Variants in MED1 observed in about 807,000 individuals in gnomAD.
MED1 encodes the protein mediator of RNA polymerase II transcription subunit 1.
MED1 carries 17 observed loss-of-function variants against 121.3 expected under a neutral mutation model. That is an observed-to-expected ratio of 0.14 (90% CI 0.10 to 0.21). The LOEUF is 0.21. Among genes scored for constraint, MED1 ranks in the 10% least tolerant of loss-of-function variants. The probability of loss-of-function intolerance (pLI) is 1.00; values close to 1 mark genes in which losing one functional copy is unlikely to be tolerated. For synonymous variants in MED1, 661 were observed against 694.4 expected, an observed-to-expected ratio of 0.95 and a Z score of 0.76; for missense variants, 1,558 against 1,919.4, an observed-to-expected ratio of 0.81 and a Z score of 3.52.
At chr17:39,420,512 A>G (rs1454817856) in intron 13 of MED1, among the ~76,000 whole-genome samples, 2 of 151,862 alleles carry the variant, frequency 1.3e-5, no homozygotes, top group Non-Finnish European at 2.9e-5. Context: ...CAAATTCTCT[A>G]TTTTTAATAA....
rs760407766 is a variant in MED1, at chr17:39,405,884, G to A, written c.*1591C>T. ...TATATGATGAAGTCACTCCACTTAC[G>A]ACATAACACACAAAGGAATCACCTG... On this transcript the variant is annotated 3_prime_UTR_variant, in exon 17 of 17. Coordinates refer to ENST00000300651, the MANE Select transcript of MED1 (RefSeq NM_004774.4). 32 of 984,892 alleles carry A rather than the reference G, an allele frequency of 3.2e-5. No homozygotes were observed. The highest frequency in any genetic ancestry group is 2.5e-4 in the Admixed American group (4 of 16,238). 61.0% of individuals were successfully genotyped at this position (984,892 alleles called of 1,614,324 possible). A position where few individuals can be genotyped will look rare whatever the true frequency, so the allele number is the denominator to read the frequency against.
chr17:39,420,610 G>C (rs1010401419), intron 13 of MED1, among the ~76,000 whole-genome samples: 7 of 151,834 alleles, frequency 4.6e-5, no homozygotes, highest in Non-Finnish European at 1.0e-4. Context: ...AAGTCCAGAT[G>C]AGGTTTTGGA....
At position 39,406,496 on chromosome 17, in the gene MED1, G is replaced by A. The variant is rs1008189297; in HGVS notation, c.*979C>T. The A allele has an allele frequency of 1.0e-6, 1 of 985,120 alleles. No homozygotes were observed. The highest frequency in any genetic ancestry group is 1.8e-5 in the African/African-American group (1 of 57,108). The allele number at this position is 985,120 out of a possible 1,614,324, so 61.0% of individuals were successfully genotyped here. ...GTTTTCATGCCACTGGGTCAGGAAG[G>A]CTGTCCTACACTAAACCTTACTGCA... is the stretch of plus-strand genomic sequence containing the variant. On this transcript the variant is annotated 3_prime_UTR_variant, in exon 17 of 17. Transcript: ENST00000300651.
intron 2 of MED1, 149 bp from the exon 3 acceptor site, chr17:39,443,777 C>A: frequency 1.6e-6 from 1 of 611,812 alleles, no homozygotes; most frequent in Admixed American, 2.9e-5. Context: ...TAGAGTAACA[C>A]TGGTCTACAA....
Position 39,408,971 on chromosome 17 carries a change from T to C in MED1, c.3250A>G (p.Thr1084Ala). 1 of 1,614,192 alleles carries C rather than the reference T, an allele frequency of 6.2e-7. No homozygotes were observed. Among genetic ancestry groups the C allele is most frequent in the Non-Finnish European group, 8.5e-7 (1 of 1,180,042 alleles). The change falls in exon 17 of 17, where the codon ACC (threonine) becomes GCC (alanine). Residue 1084 changes from threonine to alanine, a missense_variant. Physicochemically the swap from Thr to Ala is moderately conservative, Grantham distance 58. Coordinates refer to ENST00000300651, the MANE Select transcript of MED1 (RefSeq NM_004774.4). The surrounding 1 kb of genome is among the most constrained non-coding windows in gnomAD (Gnocchi z 4.7). The stretch of plus-strand genomic sequence containing the variant: ...GAGGAAGACACAGAACCACTGCTGG[T>C]ATACTGACTGTGAGAGGAAGGCTTG... The part of the protein sequence containing the change: ...VGKPSSHSQY[T>A]SSGSVSSSGS...
Position 39,405,514 on chromosome 17 carries a change from A to C in MED1, c.*1961T>G, listed in dbSNP as rs1368880899. On this transcript the variant is annotated 3_prime_UTR_variant, in exon 17 of 17. Transcript: ENST00000300651. ...GGATAGGATTCAAAACTAGGTGACA[A>C]ACTCATGAGAAATCCAACCTGGCTG... 3 of 1,382,532 alleles carry C rather than the reference A, an allele frequency of 2.2e-6. No homozygotes were observed. In the African/African-American group the frequency reaches 4.4e-5, roughly 20 times the overall value. 85.6% of individuals were successfully genotyped at this position (1,382,532 alleles called of 1,614,324 possible).
chr17:39,443,494 T>A, intron 3 of MED1, 56 bp downstream of exon 3: 1 of 1,466,126 alleles, frequency 6.8e-7, no homozygotes, highest in Non-Finnish European at 9.5e-7. Flanking sequence ...TATAAAATGG[T>A]CCTTCTTGAA....
intron 16 of MED1, among the ~76,000 whole-genome samples, chr17:39,411,254 G>A (rs896715404): frequency 5.3e-5 from 8 of 151,822 alleles, no homozygotes; most frequent in East Asian, 1.9e-4. Context: ...GGGAGGCGGA[G>A]GTTGCATTGC....
In MED1 at chr17:39,405,870, G is replaced by A; in HGVS notation, c.*1605C>T. 1 of 985,398 alleles carries A rather than the reference G, an allele frequency of 1.0e-6. No homozygotes were observed. Among genetic ancestry groups the A allele is most frequent in the South Asian group, 4.7e-5 (1 of 21,304 alleles). 61.0% of individuals were successfully genotyped at this position (985,398 alleles called of 1,614,324 possible). ...GAAATCTTCTTCCATATATGATGAAGTCACTCCACTTACGACATAACACAC... is the reference window on the plus strand; with the variant it reads ...GAAATCTTCTTCCATATATGATGAAATCACTCCACTTACGACATAACACAC... On this transcript the variant is annotated 3_prime_UTR_variant, in exon 17 of 17. Transcript: ENST00000300651.
chr17:39,427,659 C>A (rs1252855048), intron 10 of MED1, 42 bp downstream of exon 10: 1 of 1,422,704 alleles, frequency 7.0e-7, no homozygotes, highest in South Asian at 1.2e-5. Flanking sequence ...GCAAGCTGGG[C>A]ACCGAACAAA....
chr17:39,433,588 C>G (rs1226352719), intron 7 of MED1, among the ~76,000 whole-genome samples: 3 of 151,174 alleles, frequency 2.0e-5, no homozygotes, highest in Non-Finnish European at 2.9e-5. Flanking sequence ...GCATCTCGCT[C>G]TGTCAACCAG....
At position 39,410,016 on chromosome 17, in the gene MED1, C is replaced by G. The variant is rs753146919; in HGVS notation, c.2205G>C (p.Thr735=). The stretch of plus-strand genomic sequence containing the variant: ...GGCTTGGAGCTGGAGTGATGTGTGG[C>G]GTATCCAGCGTGTCAGCTGTCATGT... ...DVNMTADTLD[T]PHITPAPSQC... The change falls in exon 17 of 17, where the codon ACG becomes ACC. Residue 735 remains threonine (T), a synonymous_variant. Coordinates refer to ENST00000300651, the MANE Select transcript of MED1 (RefSeq NM_004774.4). The G allele has an allele frequency of 1.2e-6, 2 of 1,613,982 alleles. No homozygotes were observed. The highest frequency in any genetic ancestry group is 1.7e-6 in the Non-Finnish European group (2 of 1,179,988).
At chr17:39,426,490 G>A (rs1019429895) in intron 10 of MED1, among the ~76,000 whole-genome samples, 1 of 152,088 alleles carries the variant, frequency 6.6e-6, no homozygotes, top group African/African-American at 2.4e-5. Flanking sequence ...ATAAAGGGAT[G>A]GAGTCAATGA....
intron 2 of MED1, among the ~76,000 whole-genome samples, chr17:39,446,488 A>G (rs1285966068): frequency 2.7e-5 from 4 of 149,534 alleles, no homozygotes; most frequent in African/African-American, 4.9e-5. Context: ...CAAAAAATAT[A>G]AAAAACTAGC....
chr17:39,415,789 C>T (rs1019408049), intron 14 of MED1, among the ~76,000 whole-genome samples: 3 of 139,382 alleles, frequency 2.2e-5, no homozygotes, highest in African/African-American at 8.1e-5. Flanking sequence ...TGCACTCCAG[C>T]CTGGGCAAGA....
intron 1 of MED1, among the ~76,000 whole-genome samples, chr17:39,450,704 G>T (rs1411891966): frequency 6.6e-6 from 1 of 152,076 alleles, no homozygotes; most frequent in Non-Finnish European, 1.5e-5. Context: ...TCTCCAGTAC[G>T]TTTACACACA....
intron 6 of MED1, among the ~76,000 whole-genome samples, chr17:39,435,754 G>A (rs2048612345): frequency 6.6e-6 from 1 of 151,900 alleles, no homozygotes; most frequent in Admixed American, 6.6e-5. Context: ...GGAGTCCGAT[G>A]GCGATGGCAC....
chr17:39,437,435 A>G (rs2048630785), intron 6 of MED1, among the ~76,000 whole-genome samples: 1 of 152,098 alleles, frequency 6.6e-6, no homozygotes, highest in Admixed American at 6.6e-5. Context: ...TTTGTGCCCC[A>G]GGGGACATGG....
intron 7 of MED1, among the ~76,000 whole-genome samples, chr17:39,432,572 ACCCCGTCTCTAATAAAATAC>A (rs1468621588): frequency 6.7e-6 from 1 of 148,862 alleles, no homozygotes; most frequent in Non-Finnish European, 1.5e-5. Flanking sequence ...ACACGGTGAA[ACCCCGTCTCTAATAAAATAC>A]AAAAAAAAAA....
Sources: gnomAD v4.1 joint callset for allele counts (sites outside exome capture counted in the v4.1 genomes callset) on GRCh38, gnomAD v4.1.1 for gene constraint, Gnocchi (gnomAD v3.1) non-coding constraint, MANE v1.5 for transcripts, NCBI Gene and HGNC (gene_info 2026-07-23, HGNC 2026-07-21) for gene names.